Variants in SIN3B observed in about 807,000 individuals in gnomAD.
The protein encoded by SIN3B is SIN3 transcription regulator family member B.
A neutral mutation model predicts 120.2 loss-of-function variants in SIN3B; 19 were observed. That is an observed-to-expected ratio of 0.16 (90% CI 0.11 to 0.23). The LOEUF (loss-of-function observed/expected upper bound fraction) is 0.23. Ranked by LOEUF, SIN3B falls within the 10% of genes least tolerant of loss-of-function variation. SIN3B has a pLI of 1.00. For missense variants in SIN3B, 1,073 were observed against 1,573.0 expected (o/e 0.68, Z 5.38); for synonymous variants, 654 against 653.2 (o/e 1.00, Z -0.02).
At chr19:16,844,985 T>A (rs541150079) in intron 4 of SIN3B, among the ~76,000 whole-genome samples, 4 of 152,134 alleles carry the variant, frequency 2.6e-5, no homozygotes, top group East Asian at 3.9e-4. Flanking sequence ...TCCCACGGGG[T>A]TCTGGTCAGC....
intron 13 of SIN3B, among the ~76,000 whole-genome samples, chr19:16,870,806 G>A (rs185564017): frequency 0.013 from 2,014 of 152,110 alleles, 20 homozygotes; most frequent in Non-Finnish European, 0.019. Flanking sequence ...CACCTGCCTC[G>A]GGCTTCCAAA....
intron 10 of SIN3B, among the ~76,000 whole-genome samples, chr19:16,864,448 C>T (rs1971732573): frequency 6.6e-6 from 1 of 151,964 alleles, no homozygotes; most frequent in African/African-American, 2.4e-5. Flanking sequence ...CCCACCTCAG[C>T]CTCCTGAGTA....
rs144154968 is a variant in SIN3B at position 16,877,595 on chromosome 19, C to G, written c.2910C>G (p.Ser970Arg). Residue 970 changes from serine to arginine, a missense_variant, in exon 17 of 19, where the codon AGC becomes AGG. Coordinates refer to ENST00000248054, the MANE Select transcript of SIN3B (RefSeq NM_001297595.2). ...EQYVGTEGAS[S>R]SPTEGFLLKP... ...ATGTGGGGACCGAGGGCGCGTCCAG[C>G]TCGCCCACTGAGGGCTTCCTCCTGA... 95 of 1,612,298 alleles carry G rather than the reference C, an allele frequency of 5.9e-5. No individual in the cohort carries two copies. The African/African-American group carries it at 1.0e-3, about 17-fold the overall frequency.
chr19:16,871,194 A>G (rs1273879053), intron 13 of SIN3B, 35 bp from the exon 14 acceptor site: 3 of 1,613,728 alleles, frequency 1.9e-6, no homozygotes, highest in Non-Finnish European at 1.7e-6. Flanking sequence ...TGCGCTCTCC[A>G]GGAGGCATAT....
chr19:16,839,365 G>T (rs1045431251), intron 3 of SIN3B, among the ~76,000 whole-genome samples: 4 of 152,152 alleles, frequency 2.6e-5, no homozygotes, highest in Admixed American at 6.6e-5. Flanking sequence ...TAATTCCATG[G>T]TCAACCTGTT....
At chr19:16,835,428 C>T (rs1971335658) in intron 3 of SIN3B, among the ~76,000 whole-genome samples, 2 of 151,670 alleles carry the variant, frequency 1.3e-5, no homozygotes, top group Admixed American at 6.6e-5. Flanking sequence ...GGGATTTCAC[C>T]ATGTTGGTCA....
intron 14 of SIN3B, among the ~76,000 whole-genome samples, chr19:16,873,396 A>G (rs1049197053): frequency 2.6e-5 from 4 of 152,050 alleles, no homozygotes; most frequent in African/African-American, 9.7e-5. Flanking sequence ...CACCATCCAC[A>G]GCAGTGGCCA....
chr19:16,864,976 AG>A (rs1441227906), intron 10 of SIN3B: 2 of 153,694 alleles, frequency 1.3e-5, no homozygotes, highest in African/African-American at 4.8e-5. Context: ...CTGGGATTAC[AG>A]GCACACCACC....
chr19:16,832,274 T>C lies in SIN3B; in HGVS notation c.381+627T>C, dbSNP rs374038984. Among the ~76,000 whole-genome samples the C allele has an allele frequency of 1.6e-4, 24 of 149,098 alleles. 1 individual carries two copies. Among genetic ancestry groups the C allele is most frequent in the Middle Eastern group, 7.2e-3 (2 of 276 alleles). On this transcript the variant is annotated intron_variant, in intron 3 of 18. Transcript: ENST00000248054. ...GTGCAGTGGCGCAATCTCAGCTCAG[T>C]GCAACCTCCGCCTCCCAGGTTCAAG...
intron 12 of SIN3B, among the ~76,000 whole-genome samples, chr19:16,867,726 C>T (rs1438293147): frequency 2.6e-5 from 4 of 152,268 alleles, no homozygotes; most frequent in African/African-American, 7.2e-5. Flanking sequence ...CCACAGGAGC[C>T]GGGCTGCTGG....
At chr19:16,853,246 G>A (rs1335862089) in intron 7 of SIN3B, 88 bp downstream of exon 7, 13 of 1,259,630 alleles carry the variant, frequency 1.0e-5, no homozygotes, top group South Asian at 3.7e-5. Context: ...GGATTGGGGC[G>A]GGGAGCAGGT....
intron 10 of SIN3B, chr19:16,865,169 C>G (rs1971747382): frequency 2.0e-6 from 1 of 511,758 alleles, no homozygotes; most frequent in South Asian, 2.6e-5. Context: ...TGGTGCACAC[C>G]TATATTCCTA....
At chr19:16,835,161 C>A (rs534348692) in intron 3 of SIN3B, among the ~76,000 whole-genome samples, 1 of 151,342 alleles carries the variant, frequency 6.6e-6, no homozygotes, top group Non-Finnish European at 1.5e-5. Flanking sequence ...CCCGACCTCA[C>A]GTGATCTGCC....
At position 16,849,920 on chromosome 19, in the gene SIN3B, C is replaced by T. The variant is rs138806108; in HGVS notation, c.727-1492C>T. Among the ~76,000 whole-genome samples the T allele has an allele frequency of 5.6e-3, 836 of 150,044 alleles. 5 individuals are homozygous for T. The highest frequency in any genetic ancestry group is 5.9e-3 in the Non-Finnish European group (400 of 67,802). The stretch of plus-strand genomic sequence containing the variant: ...GCACTGAGCTGAGATCGCACCATTG[C>T]GCTCCAGCCTGGGTGACAGAGTGAG... On this transcript the variant is annotated intron_variant, in intron 5 of 18. Coordinates refer to ENST00000248054, the MANE Select transcript of SIN3B (RefSeq NM_001297595.2).
intron 3 of SIN3B, among the ~76,000 whole-genome samples, chr19:16,834,358 G>A (rs1191692490): frequency 2.6e-5 from 4 of 152,180 alleles, no homozygotes; most frequent in African/African-American, 9.7e-5. Context: ...CAGAGTCCCT[G>A]CCCGTGGAGT....
At chr19:16,852,774 C>T (rs892983474) in intron 6 of SIN3B, among the ~76,000 whole-genome samples, 1 of 152,202 alleles carries the variant, frequency 6.6e-6, no homozygotes, top group Non-Finnish European at 1.5e-5. Flanking sequence ...CTGAGATTGT[C>T]GTAGCCAGGG....
chr19:16,877,456 C>T, intron 16 of SIN3B, 89 bp from the exon 17 acceptor site: 1 of 956,934 alleles, frequency 1.0e-6, no homozygotes, highest in East Asian at 2.6e-5. Context: ...CACAGAACCC[C>T]TGTGAGCTCC....
At chr19:16,851,569 CG>C in intron 6 of SIN3B, 35 bp downstream of exon 6, 1 of 1,543,754 alleles carries the variant, frequency 6.5e-7, no homozygotes, top group African/African-American at 1.4e-5. Flanking sequence ...TGCCTGCACG[CG>C]GGGCCCCCAG....
intron 9 of SIN3B, chr19:16,863,090 C>T (rs1477044513): frequency 1.2e-6 from 1 of 821,082 alleles, no homozygotes; most frequent in Admixed American, 2.2e-5. Context: ...GGCTGCTTTT[C>T]TCACCACAAA....
Sources: gnomAD v4.1 joint callset for allele counts (sites outside exome capture counted in the v4.1 genomes callset) on GRCh38, gnomAD v4.1.1 for gene constraint, MANE v1.5 for transcripts, NCBI Gene and HGNC (gene_info 2026-07-23, HGNC 2026-07-21) for gene names.